Variants in CCDC126 observed in about 807,000 individuals in gnomAD.
CCDC126 encodes coiled-coil domain containing 126.
In CCDC126, 5 loss-of-function variants were observed where a neutral mutation model predicts 11.7. That is an observed-to-expected ratio of 0.43 (90% CI 0.22 to 0.90). CCDC126 has a LOEUF of 0.90. CCDC126 is among the 40% of genes least tolerant of loss of function. The probability of loss-of-function intolerance (pLI) is 0.27; values close to 1 mark genes in which losing one functional copy is unlikely to be tolerated. For synonymous variants in CCDC126, 60 were observed against 61.9 expected (o/e 0.97, Z 0.14); for missense variants, 150 against 163.1 (o/e 0.92, Z 0.44).
At chr7:23,614,313 T>C (rs1195618751) in intron 3 of CCDC126, among the ~76,000 whole-genome samples, 1 of 152,314 alleles carries the variant, frequency 6.6e-6, no homozygotes, top group East Asian at 1.9e-4. Flanking sequence ...AAAACTACTT[T>C]CTTTGCTCTT....
chr7:23,626,265 A>C (rs945232210), intron 3 of CCDC126, among the ~76,000 whole-genome samples: 4 of 152,060 alleles, frequency 2.6e-5, no homozygotes, highest in African/African-American at 9.7e-5. Context: ...TCATTATTTG[A>C]ATTTCTTCCT....
chr7:23,619,619 A>C, intron 3 of CCDC126: 1 of 198,220 alleles, frequency 5.0e-6, no homozygotes, highest in East Asian at 1.5e-4. Flanking sequence ...TCTAGGGTAC[A>C]CGTGCACAAT....
intron 3 of CCDC126, among the ~76,000 whole-genome samples, chr7:23,615,004 C>G (rs1782773658): frequency 6.6e-6 from 1 of 152,116 alleles, no homozygotes; most frequent in Admixed American, 6.6e-5. Flanking sequence ...TGCATTACCC[C>G]CTAAGAAGAA....
chr7:23,603,635 G>A (rs1175034623), intron 2 of CCDC126, among the ~76,000 whole-genome samples: 2 of 152,146 alleles, frequency 1.3e-5, no homozygotes, highest in Non-Finnish European at 2.9e-5. Context: ...GAGGGAAATG[G>A]ATTAGGTTTC....
At chr7:23,625,649 A>ATTTTTTTTT (rs34492140) in intron 3 of CCDC126, among the ~76,000 whole-genome samples, 18 of 77,142 alleles carry the variant, frequency 2.3e-4, no homozygotes, top group African/African-American at 3.9e-4. Context: ...TATTTGACTG[A>ATTTTTTTTT]TTTTTTTTTT....
intron 3 of CCDC126, among the ~76,000 whole-genome samples, chr7:23,633,501 G>A (rs1342581552): frequency 6.6e-6 from 1 of 152,080 alleles, no homozygotes; most frequent in Non-Finnish European, 1.5e-5. Flanking sequence ...TTCTTTGGAA[G>A]CATTCTTCCT....
intron 3 of CCDC126, chr7:23,619,502 T>C (rs899036215): frequency 2.7e-6 from 1 of 368,852 alleles, no homozygotes; most frequent in Non-Finnish European, 5.3e-6. Context: ...TGCCTATTTT[T>C]CCAATGTAAT....
rs200378392 is a variant in CCDC126 at position 23,635,866 on chromosome 7, G to GCTCTCC, written c.239-7039_239-7034dup. Among the ~76,000 whole-genome samples, 279 of 151,752 alleles carry GCTCTCC rather than the reference G, an allele frequency of 1.8e-3. 1 individual carries two copies. Among genetic ancestry groups the GCTCTCC allele is most frequent in the East Asian group, 5.8e-3 (30 of 5,160 alleles). ...TGTTAATGAGTTAAGACTGTCCCCT[G>GCTCTCC]CTCTCCCTCTCCCTCTCCCTCTCCC... On this transcript the variant is annotated intron_variant, in intron 3 of 3. Coordinates refer to ENST00000307471, the MANE Select transcript of CCDC126 (RefSeq NM_138771.4).
intron 3 of CCDC126, chr7:23,619,399 A>C (rs1269388803): frequency 2.4e-6 from 1 of 415,386 alleles, no homozygotes; most frequent in Non-Finnish European, 4.7e-6. Flanking sequence ...CAGAGATCAG[A>C]GGCTTAAAGA....
At chr7:23,636,437 A>T (rs7779265) in intron 3 of CCDC126, among the ~76,000 whole-genome samples, 1 of 143,534 alleles carries the variant, frequency 7.0e-6, no homozygotes, top group Non-Finnish European at 1.5e-5. Flanking sequence ...CGCCGCCGCC[A>T]TCCCATCTAG....
At chr7:23,632,387 C>T (rs188709107) in intron 3 of CCDC126, among the ~76,000 whole-genome samples, 16 of 152,268 alleles carry the variant, frequency 1.1e-4, no homozygotes, top group Middle Eastern at 3.4e-3. Flanking sequence ...TGAGCCACCA[C>T]GCCTGGCCAC....
chr7:23,636,849 G>A, intron 3 of CCDC126, among the ~76,000 whole-genome samples: 1 of 120,068 alleles, frequency 8.3e-6, no homozygotes, highest in Non-Finnish European at 1.8e-5. Context: ...GCCCCTACTG[G>A]AAAGTGAGGA....
intron 3 of CCDC126, among the ~76,000 whole-genome samples, chr7:23,640,566 C>T (rs1783336889): frequency 6.6e-6 from 1 of 152,078 alleles, no homozygotes; most frequent in Non-Finnish European, 1.5e-5. Context: ...GTTGTGCAGC[C>T]ATCACTACTG....
chr7:23,598,042 T>TG lies in CCDC126; in HGVS notation c.-152dup, dbSNP rs1188915531. The TG allele has an allele frequency of 6.6e-6, 1 of 152,342 alleles. No individual in the cohort carries two copies. Among genetic ancestry groups the TG allele is most frequent in the Non-Finnish European group, 1.5e-5 (1 of 68,118 alleles). 9.4% of individuals were successfully genotyped at this position (152,342 alleles called of 1,614,324 possible). ...AACTCCCTCTTCAAAACTCATCTCCTGGGTGACTGGTAAGGATGAACTTAA... is the reference window on the plus strand; with the variant it reads ...AACTCCCTCTTCAAAACTCATCTCCTGGGGTGACTGGTAAGGATGAACTTAA... On this transcript the variant is annotated 5_prime_UTR_variant, in exon 2 of 4. It introduces an in-frame stop codon into an upstream open reading frame of the 5' UTR. Coordinates refer to ENST00000307471, the MANE Select transcript of CCDC126 (RefSeq NM_138771.4).
Position 23,611,166 on chromosome 7 carries a change from TAC to T in CCDC126, c.-145-3_-145-2del. On this transcript the variant is annotated splice_region_variant and splice_polypyrimidine_tract_variant and intron_variant, in intron 2 of 3. Transcript: ENST00000307471. Reference sequence around the variant, plus strand: ...CTAATACTGTTTTTCTTCTTAATTTTACAGAGTTAATAGAGTGGATACAACCT... The same window carrying T: ...CTAATACTGTTTTTCTTCTTAATTTTAGAGTTAATAGAGTGGATACAACCT... The T allele has an allele frequency of 1.7e-6, 1 of 599,882 alleles. No individual in the cohort carries two copies. The highest frequency in any genetic ancestry group is 3.0e-6 in the Non-Finnish European group (1 of 336,978). 37.2% of individuals were successfully genotyped at this position (599,882 alleles called of 1,614,324 possible).
chr7:23,632,835 T>A (rs1783139415), intron 3 of CCDC126, among the ~76,000 whole-genome samples: 1 of 152,210 alleles, frequency 6.6e-6, no homozygotes, highest in Non-Finnish European at 1.5e-5. Flanking sequence ...GATGTAGATA[T>A]TTAAGACGTA....
chr7:23,626,504 A>T (rs1340278980), intron 3 of CCDC126, among the ~76,000 whole-genome samples: 1 of 151,096 alleles, frequency 6.6e-6, no homozygotes, highest in East Asian at 1.9e-4. Context: ...AATGGAAATT[A>T]AAAAAAATAT....
In CCDC126 at chr7:23,644,541, A is replaced by G. The variant is rs1182549384; in HGVS notation, c.*1426A>G. 1.3e-5 allele frequency: 2 copies of G among 152,554 alleles called. No homozygotes were observed. Among genetic ancestry groups the G allele is most frequent in the East Asian group, 1.9e-4 (1 of 5,198 alleles). The allele number at this position is 152,554 out of a possible 1,614,324, so 9.5% of individuals were successfully genotyped here. On this transcript the variant is annotated 3_prime_UTR_variant, in exon 4 of 4. Transcript: ENST00000307471. ...TTGTTTCATGAAAGACAGATTTCCA[A>G]ATCTCTCTTCTCTTCTCTGTACTGT... is the stretch of plus-strand genomic sequence containing the variant.
chr7:23,611,362 T>C lies in CCDC126; in HGVS notation c.47T>C (p.Leu16Ser). The change falls in exon 3 of 4, where the codon TTA becomes TCA. Residue 16 changes from leucine to serine, a missense_variant. By Grantham distance (145) the Leu-to-Ser change is moderately radical. Transcript: ENST00000307471. ...SRKNMSQKLS[L>S]LLLVFGLIWG... is the part of the protein sequence containing the mutation. ...AAAAATATGTCCCAGAAATTGAGTT[T>C]ACTGTTGCTTGTATTTGGACTCATT... The C allele has an allele frequency of 1.2e-6, 2 of 1,613,878 alleles. No homozygotes were observed. The highest frequency in any genetic ancestry group is 1.7e-6 in the Non-Finnish European group (2 of 1,179,790).
Sources: gnomAD v4.1 joint callset for allele counts (sites outside exome capture counted in the v4.1 genomes callset) on GRCh38, gnomAD v4.1.1 for gene constraint, MANE v1.5 for transcripts, NCBI Gene and HGNC (gene_info 2026-07-23, HGNC 2026-07-21) for gene names.